Variants in ENPP3 observed in about 807,000 individuals in gnomAD.
ENPP3 encodes ectonucleotide pyrophosphatase/phosphodiesterase 3, also known as ectonucleotide pyrophosphatase/phosphodiesterase family member 3.
A neutral mutation model predicts 117.8 loss-of-function variants in ENPP3; 104 were observed. The ratio of observed to expected loss-of-function variants is 0.88; its 90% CI spans 0.75 to 1.04. The LOEUF (loss-of-function observed/expected upper bound fraction) is 1.04. ENPP3 is among the 50% of genes least tolerant of loss of function. The pLI, the probability that ENPP3 is intolerant of heterozygous loss-of-function variation, is 0.00. For missense variants in ENPP3, 1,026 were observed against 1,051.9 expected, an observed-to-expected ratio of 0.98 and a Z score of 0.34; for synonymous variants, 380 against 349.9, an observed-to-expected ratio of 1.09 and a Z score of -0.96.
rs1778231656 is a variant in ENPP3, at chr6:131,650,094, A to G, written c.222A>G (p.Ala74=). The part of the protein sequence containing the change: ...RGLENCRCDV[A]CKDRGDCCWD... ...TGGAGAACTGCCGGTGTGATGTGGCATGTAAAGACCGAGGTGATTGCTGCT... is the reference window on the plus strand; with the variant it reads ...TGGAGAACTGCCGGTGTGATGTGGCGTGTAAAGACCGAGGTGATTGCTGCT... Residue 74 remains alanine, a synonymous_variant, in exon 3 of 25, where the codon GCA becomes GCG. Transcript: ENST00000357639. 3 of 1,614,132 alleles carry G rather than the reference A, an allele frequency of 1.9e-6. No individual in the cohort carries two copies. Among genetic ancestry groups the G allele is most frequent in the Admixed American group, 3.3e-5 (2 of 60,008 alleles).
At chr6:131,641,558 AT>A in intron 2 of ENPP3, 28 bp downstream of exon 2, 1 of 1,393,416 alleles carries the variant, frequency 7.2e-7, no homozygotes, top group Non-Finnish European at 1.0e-6. Flanking sequence ...TTCTCAGAAC[AT>A]TCCCTTATTT....
At position 131,671,266 on chromosome 6, in the gene ENPP3, C is replaced by A; in HGVS notation, c.581C>A (p.Ser194Ter). 1 of 1,597,912 alleles carries A rather than the reference C, an allele frequency of 6.3e-7. No homozygotes were observed. The highest frequency in any genetic ancestry group is 8.6e-7 in the Non-Finnish European group (1 of 1,165,616). The stretch of plus-strand genomic sequence containing the variant: ...GTTGCAGAAACATGTGGAATTCATT[C>A]AAAATACATGAGAGCTATGTATCCT... ...INKLKTCGIH[S>*]KYMRAMYPTK... Residue 194 changes from serine to a stop codon, truncating the protein, a stop_gained, in exon 7 of 25, where the codon TCA becomes TAA. Coordinates refer to ENST00000357639, the MANE Select transcript of ENPP3 (RefSeq NM_005021.5). LOFTEE classifies it high-confidence loss of function.
At chr6:131,690,175 G>A (rs1779245461) in intron 14 of ENPP3, among the ~76,000 whole-genome samples, 1 of 152,218 alleles carries the variant, frequency 6.6e-6, no homozygotes, top group South Asian at 2.1e-4. Context: ...GCTTTGAGAG[G>A]ACTTGAGAGG....
At chr6:131,732,670 G>T (rs1427909361) in intron 20 of ENPP3, among the ~76,000 whole-genome samples, 2 of 151,156 alleles carry the variant, frequency 1.3e-5, no homozygotes, top group Non-Finnish European at 2.9e-5. Context: ...CTTCTAAAGT[G>T]CTGGGACTAC....
intron 14 of ENPP3, among the ~76,000 whole-genome samples, chr6:131,688,896 C>CAAAAAAA (rs34743742): frequency 1.1e-5 from 1 of 88,298 alleles, no homozygotes; most frequent in African/African-American, 3.6e-5. Flanking sequence ...ACTAAAAATC[C>CAAAAAAA]AAAAAAAAAA....
intron 6 of ENPP3, among the ~76,000 whole-genome samples, chr6:131,670,403 A>G (rs1223696400): frequency 6.6e-6 from 1 of 152,264 alleles, no homozygotes; most frequent in Non-Finnish European, 1.5e-5. Flanking sequence ...GCTGTGGCCC[A>G]TAGGCCAAAA....
rs774893938 is a variant in ENPP3 at position 131,740,333 on chromosome 6, C to T, written c.2410C>T (p.Leu804=). Residue 804 remains leucine, a synonymous_variant, in exon 24 of 25, where the codon CTA becomes TTA. Transcript: ENST00000357639. ...PENCPGWLDV[L]PFIIPHRPTN... is the part of the protein sequence containing the mutation. Reference sequence around the variant, plus strand: ...AAACTGCCCTGGGTGGCTGGATGTCCTACCCTTTATCATCCCTCACCGACC... The same window carrying T: ...AAACTGCCCTGGGTGGCTGGATGTCTTACCCTTTATCATCCCTCACCGACC... 1 of 1,612,304 alleles carries T rather than the reference C, an allele frequency of 6.2e-7. No individual in the cohort carries two copies. Among genetic ancestry groups the T allele is most frequent in the Admixed American group, 1.7e-5 (1 of 59,774 alleles).
rs985411952 is a variant in ENPP3 at position 131,722,262 on chromosome 6, A to T, written c.1603A>T (p.Thr535Ser). ...LRIQPAPNNG[T>S]HGSLNHLLKV... ...CATTCAACCAGCACCAAACAATGGA[A>T]CCCATGGTAGTTTAAACCATCTTCT... The change falls in exon 18 of 25, where the codon ACC (threonine) becomes TCC (serine). Residue 535 changes from threonine (T) to serine (S), a missense_variant. Physicochemically the swap from Thr to Ser is moderately conservative, Grantham distance 58. Coordinates refer to ENST00000357639, the MANE Select transcript of ENPP3 (RefSeq NM_005021.5). 8 of 1,613,858 alleles carry T rather than the reference A, an allele frequency of 5.0e-6. No individual in the cohort carries two copies. In the African/African-American group the frequency reaches 1.1e-4, roughly 22 times the overall value.
At chr6:131,689,998 C>T (rs1166279418) in intron 14 of ENPP3, among the ~76,000 whole-genome samples, 1 of 152,120 alleles carries the variant, frequency 6.6e-6, no homozygotes, top group Non-Finnish European at 1.5e-5. Context: ...GACTGAGTTG[C>T]TGCAATCTCA....
chr6:131,724,703 G>A (rs1780114883), intron 19 of ENPP3, among the ~76,000 whole-genome samples: 1 of 152,156 alleles, frequency 6.6e-6, no homozygotes, highest in Non-Finnish European at 1.5e-5. Flanking sequence ...TAAGAGCTTA[G>A]TAAATGTACT....
intron 6 of ENPP3, among the ~76,000 whole-genome samples, chr6:131,660,883 A>T (rs1262536181): frequency 1.3e-5 from 2 of 152,188 alleles, no homozygotes; most frequent in African/African-American, 4.8e-5. Context: ...TAACGATTCC[A>T]CATTTCCCCC....
intron 7 of ENPP3, among the ~76,000 whole-genome samples, chr6:131,672,825 G>A (rs1235777340): frequency 1.3e-5 from 2 of 151,704 alleles, no homozygotes; most frequent in Non-Finnish European, 2.9e-5. Flanking sequence ...AAAATCTATA[G>A]GCATTTAATG....
chr6:131,720,489 A>T, intron 17 of ENPP3, 110 bp downstream of exon 17: 1 of 531,974 alleles, frequency 1.9e-6, no homozygotes, highest in Non-Finnish European at 3.3e-6. Context: ...TGTAGTGAGA[A>T]GGCAGAAAGT....
At position 131,637,378 on chromosome 6, in the gene ENPP3, C is replaced by T. The variant is rs754721507; in HGVS notation, c.-7C>T. On this transcript the variant is annotated 5_prime_UTR_variant, in exon 1 of 25. Coordinates refer to ENST00000357639, the MANE Select transcript of ENPP3 (RefSeq NM_005021.5). ...TGATAAAACAGGTCTATGCAGCTAC[C>T]AGGACAATGGAATCTACGTTGACTT... 2 of 1,582,894 alleles carry T rather than the reference C, an allele frequency of 1.3e-6. No individual in the cohort carries two copies. Among genetic ancestry groups the T allele is most frequent in the Non-Finnish European group, 1.7e-6 (2 of 1,163,524 alleles).
chr6:131,743,559 T>C lies in ENPP3; in HGVS notation c.2457+3179T>C, dbSNP rs370167989. Among the ~76,000 whole-genome samples, 19 of 152,118 alleles carry C rather than the reference T, an allele frequency of 1.2e-4. No individual in the cohort carries two copies. The South Asian group carries it at 3.9e-3, about 32-fold the overall frequency. ...TTCTAAAGTCGACAGAGGCCAGGCA[T>C]AGTGGCTCACCTGTAATCACAGCAC... On this transcript the variant is annotated intron_variant, in intron 24 of 24. Coordinates refer to ENST00000357639, the MANE Select transcript of ENPP3 (RefSeq NM_005021.5).
intron 15 of ENPP3, among the ~76,000 whole-genome samples, chr6:131,698,218 G>A (rs1779452547): frequency 6.6e-6 from 1 of 151,664 alleles, no homozygotes; most frequent in African/African-American, 2.4e-5. Flanking sequence ...TGAAGGGAAC[G>A]TTTTTCTAGG....
chr6:131,672,226 T>C (rs1778759759), intron 7 of ENPP3, among the ~76,000 whole-genome samples: 1 of 152,196 alleles, frequency 6.6e-6, no homozygotes. Flanking sequence ...TGCTTTCTTG[T>C]TTTAGCTGTC....
In ENPP3 at chr6:131,732,271, C is replaced by T. The variant is rs1780296862; in HGVS notation, c.1954-1317C>T. Among the ~76,000 whole-genome samples, 3 of 152,134 alleles carry T rather than the reference C, an allele frequency of 2.0e-5. No homozygotes were observed. The South Asian group carries it at 6.2e-4, about 32-fold the overall frequency. On this transcript the variant is annotated intron_variant, in intron 20 of 24. Transcript: ENST00000357639. ...AAATAAACAAATAGCAAAATGTTCA[C>T]TTACCCATGATTATATGCTAATCAA...
At chr6:131,686,446 T>C in intron 14 of ENPP3, among the ~76,000 whole-genome samples, 1 of 152,218 alleles carries the variant, frequency 6.6e-6, no homozygotes, top group Non-Finnish European at 1.5e-5. Flanking sequence ...TGGTCTTCTG[T>C]AATAGTTTTG....
Sources: gnomAD v4.1 joint callset for allele counts (sites outside exome capture counted in the v4.1 genomes callset) on GRCh38, gnomAD v4.1.1 for gene constraint, MANE v1.5 for transcripts, NCBI Gene and HGNC (gene_info 2026-07-23, HGNC 2026-07-21) for gene names.